The following EDA variants were observed in gnomAD, a reference collection of about 807,000 sequenced individuals.
EDA encodes the protein ectodysplasin-A.
Under a neutral mutation model 23.6 loss-of-function variants are expected in EDA, and 2 were observed. The ratio of observed to expected loss-of-function variants is 0.08; its 90% confidence interval spans 0.03 to 0.27. EDA has a LOEUF of 0.27. Among genes scored for constraint, EDA ranks in the 10% least tolerant of loss-of-function variants. EDA has a pLI of 1.00. For missense variants in EDA, 229 were observed against 324.2 expected (o/e 0.71, Z 2.26); for synonymous variants, 131 against 132.0 (o/e 0.99, Z 0.05).
chrX:69,940,732 A>G (rs762811220), intron 1 of EDA, among the ~76,000 whole-genome samples: 19 of 111,629 alleles, frequency 1.7e-4, no homozygotes, highest in Non-Finnish European at 3.4e-4. Flanking sequence ...TAATAATCAC[A>G]TCATGATAAA....
intron 1 of EDA, among the ~76,000 whole-genome samples, chrX:69,779,059 A>G (rs1447773129): frequency 1.8e-5 from 2 of 111,637 alleles, no homozygotes; most frequent in Non-Finnish European, 1.9e-5. Context: ...AGAAATTGGA[A>G]CCACATATAT....
intron 2 of EDA, among the ~76,000 whole-genome samples, chrX:69,974,280 A>G (rs1252270302): frequency 1.8e-5 from 2 of 111,068 alleles, no homozygotes; most frequent in African/African-American, 3.3e-5. Context: ...AGCTAAATAA[A>G]TACAAAAATA....
intron 1 of EDA, among the ~76,000 whole-genome samples, chrX:69,673,586 C>CA (rs55828232): frequency 1.6e-4 from 17 of 106,396 alleles, no homozygotes; most frequent in South Asian, 4.2e-4. Context: ...TTACTGTATT[C>CA]AAAAAAAAAA....
At position 69,675,854 on chromosome X, in the gene EDA, A is replaced by C. The variant is rs767328128; in HGVS notation, c.396+59150A>C. On this transcript the variant is annotated intron_variant, in intron 1 of 7. Coordinates refer to ENST00000374552, the MANE Select transcript of EDA (RefSeq NM_001399.5). ...AGACAGGATGTGTATGTATATGTGC[A>C]CATTTTAAAATTGGGTAGTCCAGGG... Among the ~76,000 whole-genome samples the C allele has an allele frequency of 1.3e-4, 15 of 111,487 alleles. 1 individual carries two copies. Among genetic ancestry groups the C allele is most frequent in the Non-Finnish European group, 2.8e-4 (15 of 53,162 alleles).
intron 1 of EDA, among the ~76,000 whole-genome samples, chrX:69,679,922 A>G (rs1163989924): frequency 1.9e-5 from 2 of 104,824 alleles, no homozygotes; most frequent in Non-Finnish European, 3.9e-5. Flanking sequence ...TAGGGTGTCA[A>G]TTTTGGATCT....
intron 1 of EDA, among the ~76,000 whole-genome samples, chrX:69,875,600 T>C (rs902335235): frequency 1.8e-5 from 2 of 111,806 alleles, no homozygotes; most frequent in Admixed American, 1.9e-4. Flanking sequence ...ACCAAAAACC[T>C]AAAAGCAAAT....
chrX:69,824,051 A>G (rs1330911813), intron 1 of EDA, among the ~76,000 whole-genome samples: 13 of 91,473 alleles, frequency 1.4e-4, no homozygotes, highest in African/African-American at 4.6e-4. Context: ...TGTTCCATTG[A>G]TCTATATCTC....
At chrX:69,632,773 T>C (rs954141696) in intron 1 of EDA, among the ~76,000 whole-genome samples, 6 of 112,143 alleles carry the variant, frequency 5.4e-5, no homozygotes, top group Non-Finnish European at 9.4e-5. Context: ...TGCTCCTGTC[T>C]CCATAGAGGA....
chrX:69,674,479 A>T (rs933166382), intron 1 of EDA, among the ~76,000 whole-genome samples: 8 of 111,944 alleles, frequency 7.1e-5, no homozygotes, highest in Admixed American at 3.8e-4. Context: ...TTGTAGTTGG[A>T]CATTTCAAGT....
chrX:69,733,701 C>T (rs1490463511), intron 1 of EDA, among the ~76,000 whole-genome samples: 1 of 111,283 alleles, frequency 9.0e-6, no homozygotes, highest in Non-Finnish European at 1.9e-5. Context: ...ACAGTATGGC[C>T]ATTTTCATGA....
chrX:69,975,536 T>C (rs2019305796), intron 2 of EDA, among the ~76,000 whole-genome samples: 2 of 111,037 alleles, frequency 1.8e-5, no homozygotes, highest in African/African-American at 6.5e-5. Context: ...GCTCACTATC[T>C]GGTGATGGAA....
At chrX:69,755,467 G>A (rs1005975978) in intron 1 of EDA, among the ~76,000 whole-genome samples, 2 of 111,678 alleles carry the variant, frequency 1.8e-5, no homozygotes, top group East Asian at 5.7e-4. Context: ...GGTGTCAGTC[G>A]GCCCCTACTG....
intron 1 of EDA, among the ~76,000 whole-genome samples, chrX:69,848,472 T>C (rs1337816792): frequency 9.0e-6 from 1 of 111,428 alleles, no homozygotes; most frequent in African/African-American, 3.3e-5. Context: ...GGATACTTTA[T>C]AGTTTTTCAT....
At chrX:70,027,769 G>A in intron 3 of EDA, 88 bp from the exon 4 acceptor site, 1 of 508,860 alleles carries the variant, frequency 2.0e-6, no homozygotes, top group Non-Finnish European at 3.6e-6. Flanking sequence ...GTTGCAGTGA[G>A]CCGAGATCGT....
At chrX:69,806,340 G>A (rs2015814529) in intron 1 of EDA, among the ~76,000 whole-genome samples, 1 of 111,341 alleles carries the variant, frequency 9.0e-6, no homozygotes, top group Non-Finnish European at 1.9e-5. Context: ...TGTGGTGACA[G>A]TACTTCCTAT....
intron 3 of EDA, among the ~76,000 whole-genome samples, chrX:70,027,056 CA>C (rs770739547): frequency 1.8e-5 from 2 of 111,725 alleles, no homozygotes; most frequent in Non-Finnish European, 3.8e-5. Context: ...TCAAGTCCAC[CA>C]AACTGGGCAG....
At chrX:69,881,619 T>C (rs1226481562) in intron 1 of EDA, among the ~76,000 whole-genome samples, 1 of 111,779 alleles carries the variant, frequency 8.9e-6, no homozygotes, top group Non-Finnish European at 1.9e-5. Context: ...ATTTGCTCTG[T>C]GGTTTTTGAG....
intron 1 of EDA, among the ~76,000 whole-genome samples, chrX:69,779,300 A>G (rs375617281): frequency 8.9e-6 from 1 of 112,103 alleles, no homozygotes; most frequent in East Asian, 2.8e-4. Context: ...AGATGAATGG[A>G]TGATCAAATT....
intron 1 of EDA, among the ~76,000 whole-genome samples, chrX:69,653,136 A>G (rs1381655669): frequency 1.8e-5 from 2 of 111,568 alleles, no homozygotes; most frequent in Non-Finnish European, 3.8e-5. Flanking sequence ...ATTTGTTTGT[A>G]TCCTCTTTTA....
Sources: allele counts gnomAD v4.1 joint callset (sites outside exome capture counted in the v4.1 genomes callset), GRCh38; gene constraint gnomAD v4.1.1; transcripts MANE v1.5; gene names NCBI Gene and HGNC (gene_info 2026-07-23, HGNC 2026-07-21).